USP34: variants seen among roughly 807,000 people sequenced by gnomAD.
USP34 encodes the protein ubiquitin specific peptidase 34, also known as ubiquitin carboxyl-terminal hydrolase 34.
Under a neutral mutation model 460.3 loss-of-function variants are expected in USP34, and 70 were observed. That is an observed-to-expected ratio of 0.15 (90% CI 0.13 to 0.19). The LOEUF is 0.19. Ranked by LOEUF, USP34 falls within the 10% of genes least tolerant of loss-of-function variation. USP34 has a pLI of 1.00. For synonymous variants in USP34, 1,647 were observed against 1,405.3 expected (o/e 1.17, Z -3.85); for missense variants, 3,985 against 4,236.2 (o/e 0.94, Z 1.65).
At chr2:61,234,588 A>C (rs1022185459) in intron 57 of USP34, among the ~76,000 whole-genome samples, 1 of 152,120 alleles carries the variant, frequency 6.6e-6, no homozygotes, top group Non-Finnish European at 1.5e-5. Context: ...GGGATGGAAG[A>C]AATAGGAAGA....
chr2:61,206,155 C>T (rs1005771594), intron 71 of USP34, 31 bp from the exon 72 acceptor site: 1 of 1,557,840 alleles, frequency 6.4e-7, no homozygotes. Flanking sequence ...ATAAATATGC[C>T]ATCTGAGATC....
Position 61,190,763 on chromosome 2 carries a change from T to C in USP34, c.9589-105A>G, listed in dbSNP as rs1374917687. ...ACATACACTTGTGTATGATGGAATCTGAAGCCACTGAAAATCCTACTTGAA... is the reference window on the plus strand; with the variant it reads ...ACATACACTTGTGTATGATGGAATCCGAAGCCACTGAAAATCCTACTTGAA... On this transcript the variant is annotated intron_variant, in intron 76 of 79. Coordinates refer to ENST00000398571, the MANE Select transcript of USP34 (RefSeq NM_014709.4). 32 of 1,360,328 alleles carry C rather than the reference T, an allele frequency of 2.4e-5. No individual in the cohort carries two copies. In the East Asian group the frequency reaches 7.4e-4, roughly 32 times the overall value. The allele number at this position is 1,360,328 out of a possible 1,614,324, so 84.3% of individuals were successfully genotyped here. A position where few individuals can be genotyped will look rare whatever the true frequency, so the allele number is the denominator to read the frequency against.
chr2:61,447,616 G>A (rs115676695), intron 1 of USP34, among the ~76,000 whole-genome samples: 4 of 152,246 alleles, frequency 2.6e-5, no homozygotes, highest in African/African-American at 9.6e-5. Flanking sequence ...CTGCACTAAG[G>A]AGAGAAGAAA....
chr2:61,446,740 G>A (rs1695128777), intron 1 of USP34, among the ~76,000 whole-genome samples: 1 of 150,204 alleles, frequency 6.7e-6, no homozygotes, highest in African/African-American at 2.5e-5. Context: ...AGGTTGCAAT[G>A]AGCCGAGATC....
Position 61,278,249 on chromosome 2 carries a change from T to A in USP34, c.5349A>T (p.Glu1783Asp). 4.3e-6 allele frequency: 7 copies of A among 1,613,746 alleles called. No individual in the cohort carries two copies. The highest frequency in any genetic ancestry group is 1.7e-4 in the Middle Eastern group (1 of 6,058). The change falls in exon 41 of 80, where the codon GAA becomes GAT. Residue 1783 changes from glutamate to aspartate, a missense_variant. This residue lies in a region of USP34 where 1,114 missense variants were observed against 1,122.5 expected (regional missense o/e 0.99). Coordinates refer to ENST00000398571, the MANE Select transcript of USP34 (RefSeq NM_014709.4). ...TTAGGAGTCCTGTAAGCCCATCATC[T>A]TCTACATTACCATCCTGATGATCAA... ...EILDHQDGNVEDDGLTGLLRL... is the reference protein window; with the variant it reads ...EILDHQDGNVDDDGLTGLLRL...
At chr2:61,204,459 C>T (rs377152387) in intron 73 of USP34, 38 bp downstream of exon 73, 42 of 1,612,166 alleles carry the variant, frequency 2.6e-5, no homozygotes, top group African/African-American at 1.9e-4. Flanking sequence ...CGATTAAATG[C>T]GAACCATATT....
At chr2:61,362,910 T>C (rs967072036) in intron 10 of USP34, among the ~76,000 whole-genome samples, 4 of 152,172 alleles carry the variant, frequency 2.6e-5, no homozygotes, top group African/African-American at 4.8e-5. Context: ...GCCTATTATA[T>C]CTCAATTTAA....
intron 41 of USP34, among the ~76,000 whole-genome samples, chr2:61,267,035 T>A (rs1382986238): frequency 2.0e-5 from 3 of 152,216 alleles, no homozygotes. Context: ...CAAGGACTCC[T>A]AGGCTCAAGA....
chr2:61,428,420 G>C (rs1049892192), intron 1 of USP34, among the ~76,000 whole-genome samples: 1 of 152,180 alleles, frequency 6.6e-6, no homozygotes, highest in Non-Finnish European at 1.5e-5. Context: ...CCTAATCAAA[G>C]AAAAAAGTGA....
At chr2:61,397,780 T>C (rs1409768665) in intron 3 of USP34, among the ~76,000 whole-genome samples, 3 of 152,016 alleles carry the variant, frequency 2.0e-5, no homozygotes, top group African/African-American at 7.2e-5. Context: ...ACACCTGTAG[T>C]CCCAGCTCCT....
chr2:61,378,316 G>A (rs1333608852), intron 8 of USP34, 47 bp downstream of exon 8: 1 of 1,325,392 alleles, frequency 7.5e-7, no homozygotes, highest in East Asian at 2.4e-5. Context: ...ATAAACAACT[G>A]TACATTAAAA....
In USP34 at chr2:61,333,981, C is replaced by G. The variant is rs763313490; in HGVS notation, c.2745-10G>C. On this transcript the variant is annotated splice_polypyrimidine_tract_variant and intron_variant, in intron 18 of 79. Coordinates refer to ENST00000398571, the MANE Select transcript of USP34 (RefSeq NM_014709.4). ...TGAAATTACTACTGATCTGAAACAGCAGAAACATTCACAAAATAATTTTAG... is the reference window on the plus strand; with the variant it reads ...TGAAATTACTACTGATCTGAAACAGGAGAAACATTCACAAAATAATTTTAG... 1 of 1,530,048 alleles carries G rather than the reference C, an allele frequency of 6.5e-7. No homozygotes were observed. Among genetic ancestry groups the G allele is most frequent in the Non-Finnish European group, 8.8e-7 (1 of 1,136,656 alleles). 94.8% of individuals were successfully genotyped at this position (1,530,048 alleles called of 1,614,324 possible).
chr2:61,340,446 G>A (rs1400572497), intron 16 of USP34, among the ~76,000 whole-genome samples: 2 of 152,134 alleles, frequency 1.3e-5, no homozygotes, highest in Non-Finnish European at 2.9e-5. Flanking sequence ...TGAGTCATAA[G>A]GTATTATGTA....
chr2:61,411,616 A>G (rs1694042590), intron 2 of USP34, among the ~76,000 whole-genome samples: 1 of 152,178 alleles, frequency 6.6e-6, no homozygotes, highest in African/African-American at 2.4e-5. Flanking sequence ...CTATGCTGAT[A>G]GCTGTCATCT....
At chr2:61,469,750 A>G (rs1390389676) in intron 1 of USP34, among the ~76,000 whole-genome samples, 2 of 152,242 alleles carry the variant, frequency 1.3e-5, no homozygotes, top group Non-Finnish European at 2.9e-5. Context: ...AACTTTTTGT[A>G]AATTGATCCC....
At chr2:61,292,362 G>A (rs2103617628) in intron 33 of USP34, among the ~76,000 whole-genome samples, 1 of 152,270 alleles carries the variant, frequency 6.6e-6, no homozygotes, top group South Asian at 2.1e-4. Context: ...TCTTAGACAT[G>A]CTTTGCATCT....
chr2:61,284,470 C>T (rs879599784), intron 35 of USP34, among the ~76,000 whole-genome samples: 2 of 152,080 alleles, frequency 1.3e-5, no homozygotes, highest in African/African-American at 2.4e-5. Flanking sequence ...AAGAAAAATA[C>T]TGCTATAAAG....
rs532958443 is a variant in USP34, at chr2:61,301,597, T to G, written c.3818-143A>C. The G allele has an allele frequency of 7.0e-5, 50 of 712,366 alleles. No homozygotes were observed. The African/African-American group carries it at 8.8e-4, about 12-fold the overall frequency. 44.1% of individuals were successfully genotyped at this position (712,366 alleles called of 1,614,324 possible). A position where few individuals can be genotyped will look rare whatever the true frequency, so the allele number is the denominator to read the frequency against. On this transcript the variant is annotated intron_variant, in intron 27 of 79. Coordinates refer to ENST00000398571, the MANE Select transcript of USP34 (RefSeq NM_014709.4). ...GGTAAAGACAGAAAACTCAGTAGAT[T>G]GAGGATAGTTATTTCTAGAATGCAT...
intron 2 of USP34, among the ~76,000 whole-genome samples, chr2:61,407,018 A>T (rs1248483649): frequency 6.6e-6 from 1 of 152,138 alleles, no homozygotes; most frequent in East Asian, 1.9e-4. Context: ...CTCAAAAAAA[A>T]AGTATTACAA....
Sources: gnomAD v4.1 joint callset for allele counts (sites outside exome capture counted in the v4.1 genomes callset) on GRCh38, gnomAD v4.1.1 for gene constraint, gnomAD v4.1.1 regional missense constraint, MANE v1.5 for transcripts, NCBI Gene and HGNC (gene_info 2026-07-23, HGNC 2026-07-21) for gene names.